SCN11A: variants seen among roughly 807,000 people sequenced by gnomAD.
SCN11A encodes sodium channel protein type 11 subunit alpha.
SCN11A carries 122 observed loss-of-function variants against 162.2 expected under a neutral mutation model. The observed-to-expected ratio is 0.75, with a 90% CI of 0.65 to 0.87. SCN11A has a LOEUF of 0.87. Among genes scored for constraint, SCN11A ranks in the 40% least tolerant of loss-of-function variants. The pLI, the probability that SCN11A is intolerant of heterozygous loss-of-function variation, is 0.00. For synonymous variants in SCN11A, 758 were observed against 751.5 expected (o/e 1.01, Z -0.14); for missense variants, 2,015 against 2,181.6 (o/e 0.92, Z 1.52).
chr3:39,036,067 T>C (rs1211540298), intron 1 of SCN11A, among the ~76,000 whole-genome samples: 1 of 152,250 alleles, frequency 6.6e-6, no homozygotes, highest in African/African-American at 2.4e-5. Context: ...AGAAACTTGA[T>C]TGGCATAGTG....
chr3:39,033,840 C>T (rs1200956528), intron 1 of SCN11A, among the ~76,000 whole-genome samples: 6 of 152,098 alleles, frequency 3.9e-5, no homozygotes, highest in African/African-American at 1.4e-4. Flanking sequence ...ATAGCATTTA[C>T]ATTGTATTGG....
At chr3:39,006,658 GA>G (rs2030988687) in intron 2 of SCN11A, among the ~76,000 whole-genome samples, 1 of 152,100 alleles carries the variant, frequency 6.6e-6, no homozygotes, top group African/African-American at 2.4e-5. Context: ...GAAACTACTT[GA>G]GCACAGTGGT....
intron 8 of SCN11A, 46 bp from the exon 9 acceptor site, chr3:38,925,555 A>T: frequency 3.0e-6 from 4 of 1,317,496 alleles, no homozygotes; most frequent in Non-Finnish European, 4.4e-6. Flanking sequence ...TCAGTCCTGC[A>T]GCTGCACTGC....
intron 2 of SCN11A, among the ~76,000 whole-genome samples, chr3:38,995,612 G>C (rs1056740113): frequency 1.3e-5 from 2 of 152,106 alleles, no homozygotes; most frequent in African/African-American, 4.8e-5. Context: ...CTGCCTGTTT[G>C]AGCTGGGACC....
rs1308988652 is a variant in SCN11A, at chr3:39,050,363, C to CT, written c.-404+1497dup. ...TTAATTCCTGTCTCATCCTGGGACT[C>CT]TAAGTTCTATGACTATGTGCACTCA... On this transcript the variant is annotated intron_variant, in intron 1 of 29. Coordinates refer to ENST00000302328, the MANE Select transcript of SCN11A (RefSeq NM_001349253.2). 7.2e-5 allele frequency among the ~76,000 whole-genome samples: 11 copies of CT among 152,204 alleles called. No homozygotes were observed. In the South Asian group the frequency reaches 1.7e-3, roughly 23 times the overall value.
intron 20 of SCN11A, 140 bp from the exon 21 acceptor site, chr3:38,885,542 A>G: frequency 1.7e-6 from 1 of 604,326 alleles, no homozygotes; most frequent in East Asian, 2.8e-5. Context: ...GTGTCAAGAA[A>G]CACCCCTCCT....
chr3:38,849,615 T>C (rs1315539329), intron 29 of SCN11A: 2 of 152,180 alleles, frequency 1.3e-5, no homozygotes, highest in Non-Finnish European at 2.9e-5. Context: ...TCCTGGACAG[T>C]TTTACATAAT....
intron 2 of SCN11A, among the ~76,000 whole-genome samples, chr3:38,993,245 G>A (rs1024460311): frequency 5.9e-5 from 9 of 152,088 alleles, no homozygotes; most frequent in East Asian, 3.9e-4. Flanking sequence ...GACAACATAC[G>A]CCAGACACTG....
chr3:38,926,338 T>G (rs1006257210), intron 8 of SCN11A, among the ~76,000 whole-genome samples: 4 of 152,274 alleles, frequency 2.6e-5, no homozygotes, highest in Non-Finnish European at 5.9e-5. Context: ...AGCCAAAGAT[T>G]TTTTAGACTG....
Position 38,883,445 on chromosome 3 carries a change from G to A in SCN11A, c.3065-58C>T, listed in dbSNP as rs1263086039. 2.0e-6 allele frequency: 3 copies of A among 1,521,544 alleles called. No individual in the cohort carries two copies. In the African/African-American group the frequency reaches 4.1e-5, roughly 21 times the overall value. The allele number at this position is 1,521,544 out of a possible 1,614,324, so 94.3% of individuals were successfully genotyped here. On this transcript the variant is annotated intron_variant, in intron 21 of 29. Transcript: ENST00000302328. ...TGTCTGTAATAAACTGCATTAAAAT[G>A]CAACTCTTCACCCCTTTCTGTGTTC...
intron 7 of SCN11A, among the ~76,000 whole-genome samples, chr3:38,928,324 A>G (rs2066175793): frequency 6.6e-6 from 1 of 152,086 alleles, no homozygotes; most frequent in Admixed American, 6.5e-5. Context: ...TTGAACAATA[A>G]GAACACATGG....
At chr3:38,948,595 C>T (rs2066553428) in intron 5 of SCN11A, among the ~76,000 whole-genome samples, 1 of 152,242 alleles carries the variant, frequency 6.6e-6, no homozygotes, top group Admixed American at 6.5e-5. Flanking sequence ...GTTTCCTCAT[C>T]TGTAAGGTAG....
chr3:39,033,165 A>AAGAG (rs113055240), intron 1 of SCN11A, among the ~76,000 whole-genome samples: 1 of 151,202 alleles, frequency 6.6e-6, no homozygotes, highest in East Asian at 1.9e-4. Context: ...AAAAAAAAAA[A>AAGAG]AGAGAGAGAG....
chr3:39,023,228 G>A (rs1202768035), intron 2 of SCN11A, among the ~76,000 whole-genome samples: 1 of 149,800 alleles, frequency 6.7e-6, no homozygotes. Context: ...ATGCTAGGTG[G>A]TGGACCATGT....
chr3:38,871,778 C>A, intron 24 of SCN11A, 70 bp from the exon 25 acceptor site: 2 of 1,288,724 alleles, frequency 1.6e-6, no homozygotes, highest in South Asian at 2.9e-5. Flanking sequence ...AACTTCTCAG[C>A]ATGGGCCTGA....
chr3:38,913,577 A>G (rs2065915813), intron 11 of SCN11A, among the ~76,000 whole-genome samples: 1 of 152,144 alleles, frequency 6.6e-6, no homozygotes, highest in Non-Finnish European at 1.5e-5. Context: ...GCCCATTTCT[A>G]TGTCCAGAAT....
intron 29 of SCN11A, chr3:38,849,246 A>G (rs906434444): frequency 2.8e-5 from 2 of 71,856 alleles, no homozygotes; most frequent in African/African-American, 6.4e-5. Context: ...TCTGACCACC[A>G]TTTTCTAGCC....
chr3:38,923,595 A>G (rs527268615), intron 9 of SCN11A, among the ~76,000 whole-genome samples: 1 of 152,312 alleles, frequency 6.6e-6, no homozygotes, highest in South Asian at 2.1e-4. Flanking sequence ...CAGTCAGGAA[A>G]TGCTATTGTT....
chr3:39,003,687 A>C (rs1236799812), intron 2 of SCN11A, among the ~76,000 whole-genome samples: 2 of 152,114 alleles, frequency 1.3e-5, no homozygotes, highest in Non-Finnish European at 2.9e-5. Flanking sequence ...CCTCACCAGC[A>C]TCTGTTCTTT....
Sources: gnomAD v4.1 joint callset for allele counts (sites outside exome capture counted in the v4.1 genomes callset) on GRCh38, gnomAD v4.1.1 for gene constraint, MANE v1.5 for transcripts, NCBI Gene and HGNC (gene_info 2026-07-23, HGNC 2026-07-21) for gene names.